Variants in PDCD10 observed in about 807,000 individuals in gnomAD.
PDCD10 encodes the protein programmed cell death protein 10.
In PDCD10, 4 loss-of-function variants were observed where a neutral mutation model predicts 29.2. The observed-to-expected ratio is 0.14, with a 90% CI of 0.07 to 0.31. The LOEUF (loss-of-function observed/expected upper bound fraction) is 0.31. Among genes scored for constraint, PDCD10 ranks in the 10% least tolerant of loss-of-function variants. The pLI is 1.00. For missense variants in PDCD10, 183 were observed against 257.9 expected (o/e 0.71, Z 1.99); for synonymous variants, 70 against 82.2 (o/e 0.85, Z 0.80).
intron 8 of PDCD10, among the ~76,000 whole-genome samples, chr3:167,684,826 CTCTT>C (rs1453582388): frequency 1.3e-5 from 2 of 152,108 alleles, no homozygotes; most frequent in East Asian, 3.9e-4. Context: ...TCATCCCAAT[CTCTT>C]TATCTCCTTA....
intron 2 of PDCD10, among the ~76,000 whole-genome samples, chr3:167,721,550 T>C (rs1723564423): frequency 1.3e-5 from 2 of 152,156 alleles, no homozygotes. Flanking sequence ...CTAACAAGAC[T>C]GAAAGATACA....
intron 4 of PDCD10, among the ~76,000 whole-genome samples, chr3:167,699,739 T>C (rs1338362707): frequency 2.6e-5 from 4 of 152,102 alleles, no homozygotes; most frequent in East Asian, 1.9e-4. Context: ...GAACCTCTCA[T>C]AGAGGATAAG....
chr3:167,689,451 A>G (rs1375977153), intron 6 of PDCD10, among the ~76,000 whole-genome samples: 1 of 152,180 alleles, frequency 6.6e-6, no homozygotes, highest in Admixed American at 6.5e-5. Flanking sequence ...ATATTCTGCT[A>G]AAGAGGAATA....
intron 5 of PDCD10, among the ~76,000 whole-genome samples, chr3:167,695,968 T>A (rs528145061): frequency 7.0e-6 from 1 of 142,394 alleles, no homozygotes; most frequent in East Asian, 2.0e-4. Context: ...CAAAAGGACA[T>A]CCCATGAAAT....
rs1195592140 is a variant in PDCD10, at chr3:167,721,272, A to G, written c.-116-999T>C. ...ACTGCAATTCTAATTTTACAAGTGTAAAGCAGGCTCAGAGATAATAAATAA... is the reference window on the plus strand; with the variant it reads ...ACTGCAATTCTAATTTTACAAGTGTGAAGCAGGCTCAGAGATAATAAATAA... On this transcript the variant is annotated intron_variant, in intron 2 of 8. Transcript: ENST00000392750. 2.0e-5 allele frequency among the ~76,000 whole-genome samples: 3 copies of G among 152,168 alleles called. No individual in the cohort carries two copies. The East Asian group carries it at 5.8e-4, about 29-fold the overall frequency.
chr3:167,698,889 T>C (rs1721086163), intron 4 of PDCD10, among the ~76,000 whole-genome samples: 1 of 152,196 alleles, frequency 6.6e-6, no homozygotes. Context: ...ATGCTAAAGC[T>C]AGAGCATTAC....
intron 6 of PDCD10, 71 bp downstream of exon 6, chr3:167,695,525 A>G (rs754988268): frequency 7.1e-7 from 1 of 1,401,666 alleles, no homozygotes; most frequent in Non-Finnish European, 1.0e-6. Context: ...TACCAAAATT[A>G]AAAAATGTAG....
intron 2 of PDCD10, among the ~76,000 whole-genome samples, chr3:167,724,902 T>TTC (rs1723936443): frequency 2.6e-5 from 4 of 152,188 alleles, no homozygotes; most frequent in Non-Finnish European, 4.4e-5. Context: ...AAGAGTTGGT[T>TTC]AACCCAGGAT....
chr3:167,696,923 G>A (rs1462614554), intron 5 of PDCD10, 86 bp downstream of exon 5: 4 of 802,660 alleles, frequency 5.0e-6, no homozygotes, highest in Non-Finnish European at 8.9e-6. Context: ...AGTAGGGAAG[G>A]AAGATCCTTT....
chr3:167,716,355 A>G (rs1723012190), intron 3 of PDCD10, among the ~76,000 whole-genome samples: 2 of 152,144 alleles, frequency 1.3e-5, no homozygotes, highest in Non-Finnish European at 2.9e-5. Context: ...TGATAGCACA[A>G]CAGGGTTACA....
At chr3:167,715,385 C>T (rs774265008) in intron 3 of PDCD10, among the ~76,000 whole-genome samples, 2 of 151,834 alleles carry the variant, frequency 1.3e-5, no homozygotes, top group Non-Finnish European at 2.9e-5. Flanking sequence ...ACCCCACATG[C>T]ACAGGCAACC....
In PDCD10 at chr3:167,733,186, T is replaced by C. The variant is rs185597369; in HGVS notation, c.-117+1028A>G. On this transcript the variant is annotated intron_variant, in intron 2 of 8. Coordinates refer to ENST00000392750, the MANE Select transcript of PDCD10 (RefSeq NM_007217.4). ...AGCATAGTCTGATGATCAACTTATA[T>C]ATAAAACAGTAAGCTATGATTTATT... Among the ~76,000 whole-genome samples the C allele has an allele frequency of 2.3e-4, 35 of 152,314 alleles. No homozygotes were observed. In the East Asian group the frequency reaches 6.2e-3, roughly 27 times the overall value.
intron 4 of PDCD10, among the ~76,000 whole-genome samples, chr3:167,702,018 C>G (rs1459999435): frequency 1.3e-5 from 2 of 152,150 alleles, no homozygotes; most frequent in East Asian, 3.8e-4. Flanking sequence ...TTAGACAACC[C>G]AGCAGAAGAG....
intron 6 of PDCD10, among the ~76,000 whole-genome samples, chr3:167,691,757 T>C (rs1720266402): frequency 6.6e-6 from 1 of 152,218 alleles, no homozygotes. Context: ...AATCTCCAGA[T>C]TACATCAACA....
At chr3:167,722,871 G>A (rs895097739) in intron 2 of PDCD10, among the ~76,000 whole-genome samples, 2 of 152,000 alleles carry the variant, frequency 1.3e-5, no homozygotes, top group Admixed American at 6.5e-5. Flanking sequence ...TGTAAATACT[G>A]GCATTTAATA....
At chr3:167,708,724 T>G (rs1291314000) in intron 3 of PDCD10, among the ~76,000 whole-genome samples, 1 of 152,192 alleles carries the variant, frequency 6.6e-6, no homozygotes, top group Non-Finnish European at 1.5e-5. Flanking sequence ...TCTAAAAGAA[T>G]CAGTTCTGTG....
chr3:167,711,401 A>G (rs1401643349), intron 3 of PDCD10, among the ~76,000 whole-genome samples: 1 of 152,186 alleles, frequency 6.6e-6, no homozygotes, highest in Non-Finnish European at 1.5e-5. Flanking sequence ...GAATGCATCA[A>G]CCTCTTAATA....
chr3:167,710,271 C>G (rs775600776), intron 3 of PDCD10, among the ~76,000 whole-genome samples: 1 of 152,070 alleles, frequency 6.6e-6, no homozygotes, highest in Non-Finnish European at 1.5e-5. Flanking sequence ...GTCCCCGAGT[C>G]CAGGCCTAGG....
At chr3:167,727,328 G>C (rs532518240) in intron 2 of PDCD10, among the ~76,000 whole-genome samples, 29 of 152,254 alleles carry the variant, frequency 1.9e-4, no homozygotes, top group African/African-American at 6.7e-4. Context: ...TGTTCAGGGG[G>C]AAAAACATAC....
Sources: allele counts gnomAD v4.1 joint callset (sites outside exome capture counted in the v4.1 genomes callset), GRCh38; gene constraint gnomAD v4.1.1; transcripts MANE v1.5; gene names NCBI Gene and HGNC (gene_info 2026-07-23, HGNC 2026-07-21).